ELAVL2: variants seen among roughly 807,000 people sequenced by gnomAD.
ELAVL2 encodes ELAV-like protein 2.
ELAVL2 carries 4 observed loss-of-function variants against 34.6 expected under a neutral mutation model. That is an observed-to-expected ratio of 0.12 (90% confidence interval 0.06 to 0.26). The LOEUF (loss-of-function observed/expected upper bound fraction) is 0.26, where lower values mean the gene tolerates loss of function less well. Ranked by LOEUF, ELAVL2 falls within the 10% of genes least tolerant of loss-of-function variation. The probability of loss-of-function intolerance (pLI) is 1.00; values close to 1 mark genes in which losing one functional copy is unlikely to be tolerated. For missense variants in ELAVL2, 432 were observed against 442.8 expected, an observed-to-expected ratio of 0.98 and a Z score of 0.22; for synonymous variants, 193 against 154.8, an observed-to-expected ratio of 1.25 and a Z score of -1.83.
intron 1 of ELAVL2, among the ~76,000 whole-genome samples, chr9:23,806,654 C>A (rs2062260753): frequency 6.6e-6 from 1 of 151,948 alleles, no homozygotes; most frequent in Non-Finnish European, 1.5e-5. Context: ...CAATAAGACC[C>A]ACTATATTCA....
chr9:23,791,787 C>G (rs2060352232), intron 1 of ELAVL2, among the ~76,000 whole-genome samples: 2 of 152,160 alleles, frequency 1.3e-5, no homozygotes, highest in Non-Finnish European at 2.9e-5. Flanking sequence ...CTACCAAAAC[C>G]TTGATCTTGG....
chr9:23,805,578 G>A (rs1038271459), intron 1 of ELAVL2, among the ~76,000 whole-genome samples: 3 of 152,184 alleles, frequency 2.0e-5, no homozygotes, highest in Non-Finnish European at 4.4e-5. Flanking sequence ...GGGCTTGTGT[G>A]TGTACCCATG....
rs180810634 is a variant in ELAVL2 at position 23,739,396 on chromosome 9, A to G, written c.230-8271T>C. ...TGCCAAAATACCTTCAGATAGCCTGAAAGTCATACCTGACAGTTCAAAAAA... is the reference window on the plus strand; with the variant it reads ...TGCCAAAATACCTTCAGATAGCCTGGAAGTCATACCTGACAGTTCAAAAAA... On this transcript the variant is annotated intron_variant, in intron 2 of 6. Coordinates refer to ENST00000397312, the MANE Select transcript of ELAVL2 (RefSeq NM_004432.5). Among the ~76,000 whole-genome samples, 245 of 152,334 alleles carry G rather than the reference A, an allele frequency of 1.6e-3. 1 individual carries two copies. Among genetic ancestry groups the G allele is most frequent in the African/African-American group, 5.7e-3 (239 of 41,574 alleles).
At chr9:23,697,138 G>C (rs2035544513) in intron 5 of ELAVL2, among the ~76,000 whole-genome samples, 1 of 151,774 alleles carries the variant, frequency 6.6e-6, no homozygotes, top group East Asian at 2.0e-4. Flanking sequence ...CAGATATGGA[G>C]GATTAGACTG....
At chr9:23,698,548 T>C (rs1280883795) in intron 5 of ELAVL2, among the ~76,000 whole-genome samples, 2 of 152,198 alleles carry the variant, frequency 1.3e-5, no homozygotes, top group Admixed American at 6.5e-5. Context: ...CCCAAGGTAC[T>C]ATGAGAACAT....
Position 23,693,502 on chromosome 9 carries a change from T to G in ELAVL2, c.714-16A>C. On this transcript the variant is annotated splice_polypyrimidine_tract_variant and intron_variant, in intron 5 of 6. Transcript: ENST00000397312. ...ATTGTCCAACCTGCAAAACACACAT[T>G]TAGCAAACTTCAGTTTTTAATTTTT... The G allele has an allele frequency of 6.2e-7, 1 of 1,614,074 alleles. No homozygotes were observed. Among genetic ancestry groups the G allele is most frequent in the Non-Finnish European group, 8.5e-7 (1 of 1,179,954 alleles).
the ELAVL2 span, among the ~76,000 whole-genome samples, chr9:23,843,608 T>C: frequency 3.3e-5 from 5 of 152,064 alleles, no homozygotes; most frequent in Non-Finnish European, 7.4e-5. Flanking sequence ...AAAACAGAAC[T>C]CTGTTTCCTA....
At chr9:23,736,231 T>TA (rs1269822290) in intron 2 of ELAVL2, among the ~76,000 whole-genome samples, 5 of 151,998 alleles carry the variant, frequency 3.3e-5, no homozygotes, top group Non-Finnish European at 5.9e-5. Flanking sequence ...CAACCAATAT[T>TA]AAACAAGACC....
intron 1 of ELAVL2, among the ~76,000 whole-genome samples, chr9:23,790,863 C>G (rs965309055): frequency 6.6e-6 from 1 of 152,152 alleles, no homozygotes; most frequent in Non-Finnish European, 1.5e-5. Flanking sequence ...GTATTTCCAA[C>G]ACAAACATCG....
chr9:23,708,484 C>T (rs1201543581), intron 3 of ELAVL2, among the ~76,000 whole-genome samples: 1 of 152,150 alleles, frequency 6.6e-6, no homozygotes, highest in East Asian at 1.9e-4. Flanking sequence ...TCTCCTCATC[C>T]AGTTTTCCTT....
At chr9:23,739,833 C>CAGTA (rs1174830781) in intron 2 of ELAVL2, among the ~76,000 whole-genome samples, 1 of 152,014 alleles carries the variant, frequency 6.6e-6, no homozygotes, top group Admixed American at 6.6e-5. Context: ...CATCAAGAGG[C>CAGTA]AGTACAGCTT....
At chr9:23,730,838 G>A (rs1048718747) in intron 3 of ELAVL2, among the ~76,000 whole-genome samples, 184 bp downstream of exon 3, 2 of 152,064 alleles carry the variant, frequency 1.3e-5, no homozygotes, top group African/African-American at 4.8e-5. Context: ...ATACATGAAT[G>A]ATTATACATA....
chr9:23,786,512 A>AG (rs1460364331), intron 1 of ELAVL2, among the ~76,000 whole-genome samples: 1 of 151,166 alleles, frequency 6.6e-6, no homozygotes, highest in Admixed American at 6.6e-5. Context: ...TCACACTTTA[A>AG]AAAAAAAATG....
intron 2 of ELAVL2, among the ~76,000 whole-genome samples, chr9:23,744,729 C>T (rs914429743): frequency 6.6e-6 from 1 of 151,618 alleles, no homozygotes; most frequent in African/African-American, 2.4e-5. Flanking sequence ...CTTCTTTATC[C>T]TTCTCGCGCA....
intron 1 of ELAVL2, among the ~76,000 whole-genome samples, chr9:23,812,533 C>A (rs146569555): frequency 2.6e-5 from 4 of 151,954 alleles, no homozygotes; most frequent in Admixed American, 1.3e-4. Flanking sequence ...CCTGAGGTGC[C>A]GCAATGAGAT....
intron 1 of ELAVL2, among the ~76,000 whole-genome samples, chr9:23,815,637 G>A (rs1228570471): frequency 3.9e-5 from 6 of 152,014 alleles, no homozygotes; most frequent in Admixed American, 1.3e-4. Flanking sequence ...CCTTGAGATG[G>A]GGAGGGTAAG....
At chr9:23,772,464 C>CA (rs1283184845) in intron 1 of ELAVL2, among the ~76,000 whole-genome samples, 1 of 143,628 alleles carries the variant, frequency 7.0e-6, no homozygotes, top group East Asian at 2.2e-4. Flanking sequence ...TTTTATTTTT[C>CA]ACTGTTATTT....
chr9:23,696,116 G>C (rs1342209638), intron 5 of ELAVL2, among the ~76,000 whole-genome samples: 1 of 152,136 alleles, frequency 6.6e-6, no homozygotes, highest in Non-Finnish European at 1.5e-5. Context: ...ACTAAGCCAA[G>C]TTATCCACTC....
chr9:23,699,812 G>GTTTTTTTTTTTTTTTTTTTTTT (rs199637833), intron 5 of ELAVL2, among the ~76,000 whole-genome samples: 2 of 82,978 alleles, frequency 2.4e-5, no homozygotes, highest in East Asian at 4.5e-4. Context: ...GGTGGCAAAG[G>GTTTTTTTTTTTTTTTTTTTTTT]TTTTTTTTTT....
Sources: allele counts gnomAD v4.1 joint callset (sites outside exome capture counted in the v4.1 genomes callset), GRCh38; gene constraint gnomAD v4.1.1; transcripts MANE v1.5; gene names NCBI Gene and HGNC (gene_info 2026-07-23, HGNC 2026-07-21).